IL2RA: variants seen among roughly 807,000 people sequenced by gnomAD.
IL2RA encodes interleukin-2 receptor subunit alpha.
IL2RA carries 24 observed loss-of-function variants against 37.8 expected under a neutral mutation model. The observed-to-expected ratio is 0.63, with a 90% CI of 0.46 to 0.89. The LOEUF is 0.89. IL2RA is among the 40% of genes least tolerant of loss of function. IL2RA has a pLI of 0.00. For synonymous variants in IL2RA, 125 were observed against 114.6 expected (o/e 1.09, Z -0.58); for missense variants, 319 against 348.6 (o/e 0.92, Z 0.68).
chr10:6,024,443 C>G, intron 2 of IL2RA, 89 bp from the exon 3 acceptor site: 1 of 971,928 alleles, frequency 1.0e-6, no homozygotes, highest in African/African-American at 1.6e-5. Flanking sequence ...GAGAAGCACA[C>G]CTGTCCAGGG....
chr10:6,013,679 G>C, intron 7 of IL2RA, among the ~76,000 whole-genome samples: 1 of 152,094 alleles, frequency 6.6e-6, no homozygotes, highest in South Asian at 2.1e-4. Context: ...ACCGTCAAAC[G>C]GTATTTCCAC....
chr10:6,052,642 C>T (rs1045974615), intron 1 of IL2RA, among the ~76,000 whole-genome samples: 13 of 67,460 alleles, frequency 1.9e-4, no homozygotes, highest in African/African-American at 6.6e-4. Flanking sequence ...AGAAAACGCG[C>T]CCCCCCTCAC....
rs1279083301 is a variant in IL2RA at position 6,011,559 on chromosome 10, T to C, written c.*1313A>G. 6.6e-6 allele frequency: 1 copy of C among 152,276 alleles called. No individual in the cohort carries two copies. The highest frequency in any genetic ancestry group is 1.5e-5 in the Non-Finnish European group (1 of 68,076). 9.4% of individuals were successfully genotyped at this position (152,276 alleles called of 1,614,324 possible). A position where few individuals can be genotyped will look rare whatever the true frequency, so the allele number is the denominator to read the frequency against. The stretch of plus-strand genomic sequence containing the variant: ...TATGCTCATCTTGTCTTTTTTTCCT[T>C]AAAGACAGGATCTTGCTCTGTTGCC... On this transcript the variant is annotated 3_prime_UTR_variant, in exon 8 of 8. Transcript: ENST00000379959. The surrounding 1 kb of genome is among the most constrained non-coding windows in gnomAD (Gnocchi z 5.2).
Position 6,020,118 on chromosome 10 carries a change from C to T in IL2RA, c.584-177G>A, listed in dbSNP as rs1839361197. Among the ~76,000 whole-genome samples the T allele has an allele frequency of 6.6e-6, 1 of 152,178 alleles. No homozygotes were observed. The highest frequency in any genetic ancestry group is 1.5e-5 in the Non-Finnish European group (1 of 68,028). On this transcript the variant is annotated intron_variant, in intron 4 of 7. Coordinates refer to ENST00000379959, the MANE Select transcript of IL2RA (RefSeq NM_000417.3). The surrounding 1 kb of genome is among the most constrained non-coding windows in gnomAD (Gnocchi z 5.6). ...GTTCCACAGCAGGGGCACTGGGAAGCGGTGAAGTGGTCTCAGCAGAGCAGA... is the reference window on the plus strand; with the variant it reads ...GTTCCACAGCAGGGGCACTGGGAAGTGGTGAAGTGGTCTCAGCAGAGCAGA...
chr10:6,013,832 ATT>A (rs55729291), intron 7 of IL2RA, among the ~76,000 whole-genome samples: 56 of 136,678 alleles, frequency 4.1e-4, no homozygotes, highest in African/African-American at 1.4e-3. Context: ...AAATATTTTA[ATT>A]TTTTTTTTTT....
Position 6,018,020 on chromosome 10 carries a change from G to T in IL2RA, c.794+33C>A. 2 of 1,590,878 alleles carry T rather than the reference G, an allele frequency of 1.3e-6. No homozygotes were observed. Among genetic ancestry groups the T allele is most frequent in the South Asian group, 1.1e-5 (1 of 89,760 alleles). On this transcript the variant is annotated intron_variant, in intron 7 of 7. Transcript: ENST00000379959. The surrounding 1 kb of genome is among the most constrained non-coding windows in gnomAD (Gnocchi z 5.1). ...GGGGCTGGGTACAGGACTTTGATCT[G>T]ACCAAGGGCTGCCTTGGTGATGCCA... is the stretch of plus-strand genomic sequence containing the variant.
At position 6,021,602 on chromosome 10, in the gene IL2RA, G is replaced by C. The variant is rs766358118; in HGVS notation, c.459C>G (p.Val153=). ...CTCTGTGTAGAGCCCTGTATCCCTG[G>C]ACGCACTGATAATAAACCATCTGCC... ...VVGQMVYYQC[V]QGYRALHRGP... The change falls in exon 4 of 8, where the codon GTC becomes GTG. Residue 153 remains valine (V), a synonymous_variant. Coordinates refer to ENST00000379959, the MANE Select transcript of IL2RA (RefSeq NM_000417.3). The surrounding 1 kb of genome is among the most constrained non-coding windows in gnomAD (Gnocchi z 4.9). 6.2e-7 allele frequency: 1 copy of C among 1,614,044 alleles called. No homozygotes were observed. Among genetic ancestry groups the C allele is most frequent in the Admixed American group, 1.7e-5 (1 of 60,004 alleles).
intron 1 of IL2RA, among the ~76,000 whole-genome samples, chr10:6,042,717 T>C (rs2132883037): frequency 6.6e-6 from 1 of 152,278 alleles, no homozygotes; most frequent in Non-Finnish European, 1.5e-5. Flanking sequence ...GGACAAAGGA[T>C]ATGAACAAGG....
intron 1 of IL2RA, among the ~76,000 whole-genome samples, chr10:6,053,327 T>C (rs980589327): frequency 1.3e-5 from 2 of 152,216 alleles, no homozygotes; most frequent in Non-Finnish European, 2.9e-5. Context: ...TCATATGACC[T>C]ACTTTATTTT....
chr10:6,024,214 A>G, intron 3 of IL2RA, 30 bp downstream of exon 3: 1 of 1,390,558 alleles, frequency 7.2e-7, no homozygotes, highest in South Asian at 1.2e-5. Context: ...CGCTAGCAGG[A>G]GTTAGCTGGA....
At chr10:6,042,471 T>C (rs913983848) in intron 1 of IL2RA, among the ~76,000 whole-genome samples, 1 of 152,108 alleles carries the variant, frequency 6.6e-6, no homozygotes, top group Admixed American at 6.6e-5. Flanking sequence ...TGGAAACATA[T>C]ACAATTCCTG....
At position 6,056,053 on chromosome 10, in the gene IL2RA, A is replaced by G. The variant is rs1451360872; in HGVS notation, c.64+6035T>C. Among the ~76,000 whole-genome samples the G allele has an allele frequency of 6.6e-6, 1 of 152,254 alleles. No homozygotes were observed. Among genetic ancestry groups the G allele is most frequent in the Non-Finnish European group, 1.5e-5 (1 of 68,038 alleles). The stretch of plus-strand genomic sequence containing the variant: ...GAGTCGCCTTGAGATCAGTCAAAAC[A>G]CTGAGTAATCTTAGAGTGGAGAATA... On this transcript the variant is annotated intron_variant, in intron 1 of 7. Transcript: ENST00000379959. The surrounding 1 kb of genome is among the most constrained non-coding windows in gnomAD (Gnocchi z 5.0).
chr10:6,041,958 A>G lies in IL2RA; in HGVS notation c.65-15933T>C, dbSNP rs958471910. ...AAGAAAGCTCCATAGCTACAATAAC[A>G]TAAGAGAAACTAGATCAAAAAGGCA... On this transcript the variant is annotated intron_variant, in intron 1 of 7. Coordinates refer to ENST00000379959, the MANE Select transcript of IL2RA (RefSeq NM_000417.3). Among the ~76,000 whole-genome samples the G allele has an allele frequency of 2.6e-5, 4 of 152,076 alleles. No individual in the cohort carries two copies. The South Asian group carries it at 8.3e-4, about 32-fold the overall frequency.
In IL2RA at chr10:6,016,848, C is replaced by T. The variant is rs111639597; in HGVS notation, c.794+1205G>A. ...TCAGCCTCCCAAAGTGCTGGGATTA[C>T]AGGCATGAGCCACAACTCCTGGGCT... On this transcript the variant is annotated intron_variant, in intron 7 of 7. Transcript: ENST00000379959. Among the ~76,000 whole-genome samples the T allele has an allele frequency of 8.1e-3, 1,239 of 152,348 alleles. 24 individuals are homozygous for T. The highest frequency in any genetic ancestry group is 0.028 in the African/African-American group (1,164 of 41,568).
intron 1 of IL2RA, among the ~76,000 whole-genome samples, chr10:6,041,803 G>T (rs1185529872): frequency 6.6e-6 from 1 of 152,052 alleles, no homozygotes; most frequent in Non-Finnish European, 1.5e-5. Context: ...AAGAAAGCTC[G>T]ATAGCTTTAG....
rs147879601 is a variant in IL2RA at position 6,044,555 on chromosome 10, C to T, written c.64+17533G>A. Among the ~76,000 whole-genome samples the T allele has an allele frequency of 9.2e-5, 14 of 152,146 alleles. No individual in the cohort carries two copies. Among genetic ancestry groups the T allele is most frequent in the Admixed American group, 3.3e-4 (5 of 15,292 alleles). On this transcript the variant is annotated intron_variant, in intron 1 of 7. Coordinates refer to ENST00000379959, the MANE Select transcript of IL2RA (RefSeq NM_000417.3). The surrounding 1 kb of genome is among the most constrained non-coding windows in gnomAD (Gnocchi z 4.5). The stretch of plus-strand genomic sequence containing the variant: ...CAATGGTAAACTGACATGGCACACT[C>T]ATGAGCATGTCTTATGGAAAGCTGC...
In IL2RA at chr10:6,048,352, C is replaced by A. The variant is rs1174265974; in HGVS notation, c.64+13736G>T. 2.6e-5 allele frequency among the ~76,000 whole-genome samples: 4 copies of A among 152,178 alleles called. No individual in the cohort carries two copies. Among genetic ancestry groups the A allele is most frequent in the Non-Finnish European group, 5.9e-5 (4 of 68,036 alleles). Reference sequence around the variant, plus strand: ...GCGATGGGGAGGATGGGGTGCCATTCATTGAGATAGCAAAGAGAGGAGAAA... The same window carrying A: ...GCGATGGGGAGGATGGGGTGCCATTAATTGAGATAGCAAAGAGAGGAGAAA... On this transcript the variant is annotated intron_variant, in intron 1 of 7. Coordinates refer to ENST00000379959, the MANE Select transcript of IL2RA (RefSeq NM_000417.3). This position sits in a 1 kb window ranked among gnomAD's most constrained non-coding sequence, Gnocchi z 5.3.
intron 1 of IL2RA, among the ~76,000 whole-genome samples, chr10:6,040,290 A>G (rs918844419): frequency 6.6e-6 from 1 of 152,354 alleles, no homozygotes; most frequent in Non-Finnish European, 1.5e-5. Context: ...CACAACGAGG[A>G]AATAGAGTTT....
chr10:6,051,474 A>G lies in IL2RA; in HGVS notation c.64+10614T>C, dbSNP rs535835689. On this transcript the variant is annotated intron_variant, in intron 1 of 7. Transcript: ENST00000379959. ...CGATTTGCTTCAAGGAGCTCATTTC[A>G]TGAGGAGAAAATACACACAAATATA... Among the ~76,000 whole-genome samples the G allele has an allele frequency of 1.5e-4, 22 of 150,144 alleles. 1 individual carries two copies. In the East Asian group the frequency reaches 3.9e-3, roughly 27 times the overall value.
Sources: gnomAD v4.1 joint callset for allele counts (sites outside exome capture counted in the v4.1 genomes callset) on GRCh38, gnomAD v4.1.1 for gene constraint, Gnocchi (gnomAD v3.1) non-coding constraint, MANE v1.5 for transcripts, NCBI Gene and HGNC (gene_info 2026-07-23, HGNC 2026-07-21) for gene names.